Variants in DNAH3 observed in about 807,000 individuals in gnomAD.
The protein encoded by DNAH3 is dynein axonemal heavy chain 3.
Under a neutral mutation model 432.5 loss-of-function variants are expected in DNAH3, and 332 were observed. That is an observed-to-expected ratio of 0.77 (90% CI 0.70 to 0.84). DNAH3 has a LOEUF of 0.84. Among genes scored for constraint, DNAH3 ranks in the 40% least tolerant of loss-of-function variants. DNAH3 has a pLI of 0.00. For missense variants in DNAH3, 4,861 were observed against 5,114.0 expected, an observed-to-expected ratio of 0.95 and a Z score of 1.51; for synonymous variants, 1,956 against 1,900.2, an observed-to-expected ratio of 1.03 and a Z score of -0.76.
At chr16:21,023,355 C>A (rs749331063) in intron 39 of DNAH3, among the ~76,000 whole-genome samples, 1 of 152,086 alleles carries the variant, frequency 6.6e-6, no homozygotes, top group Non-Finnish European at 1.5e-5. Flanking sequence ...ACTAATCCAG[C>A]AGGGATATCA....
exon 48 of DNAH3, chr16:20,985,194 G>A: frequency 6.2e-7 from 1 of 1,614,200 alleles, no homozygotes; most frequent in Non-Finnish European, 8.5e-7. Context: ...CAGGGAAGAT[G>A]TTAGGCACGT....
At chr16:20,979,218 G>T in intron 50 of DNAH3, 112 bp downstream of exon 50, 2 of 909,612 alleles carry the variant, frequency 2.2e-6, no homozygotes, top group Non-Finnish European at 3.5e-6. Context: ...CAAATGCAGG[G>T]TCACATTCTG....
At chr16:21,156,621 G>A (rs370835379) in intron 1 of DNAH3, among the ~76,000 whole-genome samples, 2 of 152,084 alleles carry the variant, frequency 1.3e-5, no homozygotes, top group Non-Finnish European at 2.9e-5. Context: ...ATCACATTGG[G>A]GGTTAGGATT....
At chr16:20,950,067 T>C (rs2084243636) in intron 56 of DNAH3, among the ~76,000 whole-genome samples, 1 of 152,188 alleles carries the variant, frequency 6.6e-6, no homozygotes, top group African/African-American at 2.4e-5. Flanking sequence ...AGGCTGGTCT[T>C]GAATCCCTGG....
intron 26 of DNAH3, among the ~76,000 whole-genome samples, chr16:21,059,973 T>C (rs1326935324): frequency 6.6e-6 from 1 of 152,140 alleles, no homozygotes; most frequent in Non-Finnish European, 1.5e-5. Context: ...TGGAAGGGAC[T>C]CTAAATAGAC....
At chr16:21,134,098 A>G in intron 7 of DNAH3, 161 bp downstream of exon 8, 1 of 655,400 alleles carries the variant, frequency 1.5e-6, no homozygotes, top group South Asian at 2.5e-5. Flanking sequence ...CTGCAAGGAA[A>G]GGTGTCACTT....
intron 8 of DNAH3, among the ~76,000 whole-genome samples, chr16:21,126,658 T>C (rs1417836519): frequency 2.6e-5 from 4 of 152,198 alleles, no homozygotes; most frequent in Non-Finnish European, 4.4e-5. Context: ...GGCCATGGAC[T>C]GGTTGTAGGA....
intron 35 of DNAH3, among the ~76,000 whole-genome samples, chr16:21,035,168 A>C (rs2089101888): frequency 1.3e-5 from 2 of 152,124 alleles, no homozygotes; most frequent in African/African-American, 4.8e-5. Context: ...GTCTACTAAA[A>C]ATACAAAAAT....
At chr16:21,011,952 C>G (rs760056583) in intron 41 of DNAH3, among the ~76,000 whole-genome samples, 2 of 152,066 alleles carry the variant, frequency 1.3e-5, no homozygotes, top group East Asian at 1.9e-4. Context: ...TTATTATTGT[C>G]CCCATTTTAT....
At chr16:20,963,411 G>C in exon 53 of DNAH3, 1 of 1,614,072 alleles carries the variant, frequency 6.2e-7, no homozygotes, top group Non-Finnish European at 8.5e-7. Flanking sequence ...GTTCAGCAAT[G>C]AACTCCCGGA....
At chr16:20,998,287 C>T (rs1025561167) in intron 43 of DNAH3, among the ~76,000 whole-genome samples, 3 of 152,100 alleles carry the variant, frequency 2.0e-5, no homozygotes, top group African/African-American at 7.2e-5. Flanking sequence ...GACAGTCTTG[C>T]TCTGTCACCC....
chr16:21,088,159 C>T lies in DNAH3; in HGVS notation c.2666-1099G>A, dbSNP rs1047705218. Among the ~76,000 whole-genome samples, 7 of 151,996 alleles carry T rather than the reference C, an allele frequency of 4.6e-5. No homozygotes were observed. The South Asian group carries it at 1.0e-3, about 22-fold the overall frequency. On this transcript the variant is annotated intron_variant, in intron 18 of 61. Transcript: ENST00000261383. ...AATCTAACTTCATTAATTTCACATG[C>T]TTCATCAACCCAACATTTTTGTTGC...
chr16:20,946,050 CG>C (rs1016330097), intron 57 of DNAH3, among the ~76,000 whole-genome samples: 2 of 152,120 alleles, frequency 1.3e-5, no homozygotes, highest in Admixed American at 6.5e-5. Context: ...CCTCCTTGTC[CG>C]GGGCACTCTA....
At chr16:20,957,312 A>C (rs1231711426) in intron 54 of DNAH3, among the ~76,000 whole-genome samples, 2 of 152,178 alleles carry the variant, frequency 1.3e-5, no homozygotes, top group African/African-American at 4.8e-5. Flanking sequence ...GCCATAGACA[A>C]TATATGAATA....
chr16:20,986,904 G>A (rs1023651917), intron 47 of DNAH3, among the ~76,000 whole-genome samples: 1 of 152,192 alleles, frequency 6.6e-6, no homozygotes, highest in Non-Finnish European at 1.5e-5. Context: ...ATGGAAAAGA[G>A]AAAATATTCA....
intron 24 of DNAH3, among the ~76,000 whole-genome samples, chr16:21,066,828 A>G: frequency 6.6e-6 from 1 of 152,276 alleles, no homozygotes; most frequent in Middle Eastern, 3.4e-3. Flanking sequence ...TAGGTGCTAA[A>G]TGTTTTTACA....
intron 11 of DNAH3, among the ~76,000 whole-genome samples, chr16:21,119,745 C>T (rs944245845): frequency 2.9e-4 from 44 of 151,626 alleles, no homozygotes; most frequent in African/African-American, 9.2e-4. Flanking sequence ...TACAGGCACC[C>T]GCCACCACAC....
chr16:21,148,230 T>C (rs1567876646), intron 1 of DNAH3, among the ~76,000 whole-genome samples: 1 of 152,048 alleles, frequency 6.6e-6, no homozygotes, highest in Non-Finnish European at 1.5e-5. Context: ...CCTCATTAAA[T>C]AACAACAGAA....
chr16:21,143,569 G>A (rs1052170563), intron 3 of DNAH3, among the ~76,000 whole-genome samples: 1 of 152,128 alleles, frequency 6.6e-6, no homozygotes, highest in Non-Finnish European at 1.5e-5. Flanking sequence ...CAGCCCAAAA[G>A]GAACTAAGAT....
Sources: gnomAD v4.1 joint callset for allele counts (sites outside exome capture counted in the v4.1 genomes callset) on GRCh38, gnomAD v4.1.1 for gene constraint, MANE v1.5 for transcripts, NCBI Gene and HGNC (gene_info 2026-07-23, HGNC 2026-07-21) for gene names.